HDAC9: variants seen among roughly 807,000 people sequenced by gnomAD.
The protein encoded by HDAC9 is MEF-2 interacting transcription repressor (MITR) protein.
HDAC9 carries 41 observed loss-of-function variants against 139.4 expected under a neutral mutation model. The observed-to-expected ratio is 0.29, with a 90% CI of 0.23 to 0.38. HDAC9 has a LOEUF of 0.38. HDAC9 is among the 10% of genes least tolerant of loss of function. The pLI, the probability that HDAC9 is intolerant of heterozygous loss-of-function variation, is 1.00. For missense variants in HDAC9, 1,147 were observed against 1,297.0 expected (o/e 0.88, Z 1.78); for synonymous variants, 517 against 476.2 (o/e 1.09, Z -1.12).
chr7:18,387,562 T>C lies in HDAC9; in HGVS notation c.-42+97047T>C, dbSNP rs1456149405. Reference sequence around the variant, plus strand: ...TGCTATTTTGACTACTCATAGAAAATGAGGAAGGAGGTAGGCTGAACAGAG... The same window carrying C: ...TGCTATTTTGACTACTCATAGAAAACGAGGAAGGAGGTAGGCTGAACAGAG... On this transcript the variant is annotated intron_variant, in intron 1 of 3. Transcript: ENST00000413509. 3.9e-5 allele frequency among the ~76,000 whole-genome samples: 6 copies of C among 152,076 alleles called. No homozygotes were observed. In the East Asian group the frequency reaches 9.6e-4, roughly 24 times the overall value.
At position 18,996,106 on chromosome 7, in the gene HDAC9, G is replaced by C. The variant is rs1460345668; in HGVS notation, c.*44G>C. ...GATATTTCCTGTGTGTGACATCATT[G>C]TGTATCCCCCCACCCCAGTACCCTC... On this transcript the variant is annotated 3_prime_UTR_variant, in exon 26 of 26. Transcript: ENST00000686413. 6.9e-7 allele frequency: 1 copy of C among 1,457,354 alleles called. No homozygotes were observed. Among genetic ancestry groups the C allele is most frequent in the South Asian group, 1.2e-5 (1 of 84,032 alleles). The allele number at this position is 1,457,354 out of a possible 1,614,324, so 90.3% of individuals were successfully genotyped here.
chr7:18,357,978 G>C, intron 1 of HDAC9, among the ~76,000 whole-genome samples: 1 of 152,176 alleles, frequency 6.6e-6, no homozygotes, highest in East Asian at 1.9e-4. Flanking sequence ...GATTATTCTG[G>C]TTTCTCTATG....
chr7:18,226,658 G>A (rs768386845), intron 2 of HDAC9, among the ~76,000 whole-genome samples: 3 of 152,188 alleles, frequency 2.0e-5, no homozygotes, highest in Non-Finnish European at 4.4e-5. Flanking sequence ...CATTGGAAGT[G>A]ATATTTCAGC....
At chr7:18,609,269 T>A (rs1487932360) in intron 6 of HDAC9, among the ~76,000 whole-genome samples, 2 of 152,212 alleles carry the variant, frequency 1.3e-5, no homozygotes, top group African/African-American at 4.8e-5. Context: ...CACTTGAAAT[T>A]GAACACTTGA....
chr7:18,945,093 T>C (rs1782282062), intron 23 of HDAC9, among the ~76,000 whole-genome samples: 2 of 152,240 alleles, frequency 1.3e-5, no homozygotes, highest in Admixed American at 1.3e-4. Context: ...TCCTGAAATA[T>C]GCATGTGTTT....
intron 22 of HDAC9, among the ~76,000 whole-genome samples, chr7:18,923,823 G>C (rs1803975519): frequency 6.6e-6 from 1 of 152,014 alleles, no homozygotes; most frequent in Non-Finnish European, 1.5e-5. Context: ...AATCATGCAA[G>C]ATAAAAACAA....
chr7:18,958,289 GAAAA>G (rs938559969), intron 24 of HDAC9, among the ~76,000 whole-genome samples: 18 of 151,812 alleles, frequency 1.2e-4, no homozygotes, highest in African/African-American at 3.9e-4. Context: ...TGACAAAATG[GAAAA>G]AAAGTTTCAT....
intron 1 of HDAC9, among the ~76,000 whole-genome samples, chr7:18,486,350 A>G (rs1795974848): frequency 6.6e-6 from 1 of 152,152 alleles, no homozygotes; most frequent in South Asian, 2.1e-4. Flanking sequence ...TTTCCAGAAT[A>G]TATCTCTCTG....
At chr7:18,581,755 A>T (rs1827895456) in intron 2 of HDAC9, among the ~76,000 whole-genome samples, 1 of 152,172 alleles carries the variant, frequency 6.6e-6, no homozygotes, top group Non-Finnish European at 1.5e-5. Flanking sequence ...TCAAAATCTC[A>T]TGTTACTCCA....
At chr7:18,341,880 C>T (rs1038257761) in intron 1 of HDAC9, among the ~76,000 whole-genome samples, 8 of 151,692 alleles carry the variant, frequency 5.3e-5, no homozygotes, top group African/African-American at 1.7e-4. Context: ...TATCTAAGGA[C>T]AGTTATTTGA....
chr7:18,740,484 C>G (rs757678369), intron 13 of HDAC9, among the ~76,000 whole-genome samples: 1 of 152,188 alleles, frequency 6.6e-6, no homozygotes, highest in Non-Finnish European at 1.5e-5. Flanking sequence ...AGACAGTGAA[C>G]TTGGTAGATA....
chr7:18,286,018 C>G (rs1797427738), upstream of HDAC9, among the ~76,000 whole-genome samples: 2 of 151,994 alleles, frequency 1.3e-5, no homozygotes, highest in Admixed American at 1.3e-4. Flanking sequence ...GTTGAACTAG[C>G]AATTTTCAAA....
At chr7:18,572,624 T>C (rs1824680433) in intron 2 of HDAC9, among the ~76,000 whole-genome samples, 1 of 152,132 alleles carries the variant, frequency 6.6e-6, no homozygotes. Flanking sequence ...ATATTTTCTA[T>C]TTTAAAACAT....
intron 1 of HDAC9, among the ~76,000 whole-genome samples, chr7:18,111,705 T>A (rs1783630273): frequency 6.6e-6 from 1 of 152,258 alleles, no homozygotes; most frequent in Admixed American, 6.5e-5. Flanking sequence ...TTAAAAAATA[T>A]TTTGCATTTG....
intron 1 of HDAC9, among the ~76,000 whole-genome samples, chr7:18,361,736 G>A (rs917132344): frequency 1.3e-5 from 2 of 151,796 alleles, no homozygotes; most frequent in Non-Finnish European, 2.9e-5. Context: ...GAGCAATGCT[G>A]TTGCAAATGT....
chr7:18,419,651 C>G (rs1413974967), intron 1 of HDAC9, among the ~76,000 whole-genome samples: 1 of 152,168 alleles, frequency 6.6e-6, no homozygotes, highest in Non-Finnish European at 1.5e-5. Context: ...AAATTACACT[C>G]TTGTTGAAAT....
intron 2 of HDAC9, among the ~76,000 whole-genome samples, chr7:18,202,202 A>G (rs1245299582): frequency 6.6e-6 from 1 of 152,252 alleles, no homozygotes; most frequent in East Asian, 1.9e-4. Context: ...ATTTCAGATC[A>G]CAGAACTCTC....
intron 12 of HDAC9, among the ~76,000 whole-genome samples, chr7:18,715,309 CTCTG>C (rs1206228414): frequency 1.3e-5 from 2 of 151,756 alleles, no homozygotes; most frequent in East Asian, 1.9e-4. Flanking sequence ...ACAATATTCT[CTCTG>C]TCTTATTTTT....
intron 1 of HDAC9, among the ~76,000 whole-genome samples, chr7:18,113,392 T>C (rs551332358): frequency 6.6e-6 from 1 of 152,370 alleles, no homozygotes; most frequent in Admixed American, 6.5e-5. Context: ...AGGCGCCTCA[T>C]TGCATTTAAA....
Sources: gnomAD v4.1 joint callset for allele counts (sites outside exome capture counted in the v4.1 genomes callset) on GRCh38, gnomAD v4.1.1 for gene constraint, MANE v1.5 for transcripts, NCBI Gene and HGNC (gene_info 2026-07-23, HGNC 2026-07-21) for gene names.